Variants in ECM2 observed in about 807,000 individuals in gnomAD.
The protein encoded by ECM2 is extracellular matrix protein 2.
Under a neutral mutation model 67.5 loss-of-function variants are expected in ECM2, and 57 were observed. The ratio of observed to expected loss-of-function variants is 0.84; its 90% confidence interval spans 0.68 to 1.05. ECM2 has a LOEUF of 1.05. Ranked by LOEUF, ECM2 falls within the 50% of genes least tolerant of loss-of-function variation. The probability of loss-of-function intolerance (pLI) is 0.00; values close to 1 mark genes in which losing one functional copy is unlikely to be tolerated. For synonymous variants in ECM2, 258 were observed against 294.5 expected (o/e 0.88, Z 1.27); for missense variants, 741 against 822.8 (o/e 0.90, Z 1.22).
At chr9:92,533,084 G>A (rs1455022769) in intron 1 of ECM2, among the ~76,000 whole-genome samples, 1 of 151,420 alleles carries the variant, frequency 6.6e-6, no homozygotes, top group Non-Finnish European at 1.5e-5. Flanking sequence ...GGATCACAAG[G>A]TCAGGAGTTT....
intron 5 of ECM2, among the ~76,000 whole-genome samples, chr9:92,511,597 G>C (rs540998119): frequency 6.6e-6 from 1 of 151,942 alleles, no homozygotes; most frequent in Non-Finnish European, 1.5e-5. Context: ...TCCTCCATCA[G>C]GTTTTGTTGA....
chr9:92,546,866 AG>A, the ECM2 span, among the ~76,000 whole-genome samples: 1 of 152,318 alleles, frequency 6.6e-6, no homozygotes, highest in Middle Eastern at 3.4e-3. Context: ...GAGGATATTG[AG>A]TTCATAATTT....
chr9:92,538,904 C>A (rs1044989410), upstream of ECM2: 2 of 152,080 alleles, frequency 1.3e-5, no homozygotes, highest in Non-Finnish European at 2.9e-5. Flanking sequence ...ATCACCTTTT[C>A]AGTATTTTTC....
Position 92,502,655 on chromosome 9 carries a change from A to G in ECM2, c.1465-3T>C. The G allele has an allele frequency of 2.6e-6, 4 of 1,557,806 alleles. No homozygotes were observed. The highest frequency in any genetic ancestry group is 1.8e-5 in the Admixed American group (1 of 54,960). On this transcript the variant is annotated splice_polypyrimidine_tract_variant and splice_region_variant and intron_variant, in intron 7 of 9. Transcript: ENST00000344604. The stretch of plus-strand genomic sequence containing the variant: ...TGGTTATTTTCTAGGTATAATTCCT[A>G]TAATTAAGAGAGAAGACTATTATTT...
upstream of ECM2, among the ~76,000 whole-genome samples, chr9:92,541,418 C>A (rs1437598426): frequency 1.2e-5 from 1 of 82,796 alleles, no homozygotes; most frequent in East Asian, 3.3e-4. Flanking sequence ...CCTTCCCCCT[C>A]CCCACCCCGC....
chr9:92,540,862 G>A (rs1311930726), upstream of ECM2, among the ~76,000 whole-genome samples: 1 of 152,130 alleles, frequency 6.6e-6, no homozygotes, highest in Non-Finnish European at 1.5e-5. Flanking sequence ...TTTGCCTTGC[G>A]AGTGTTTGCT....
intron 3 of ECM2, chr9:92,517,338 G>A (rs1291426172): frequency 2.5e-6 from 1 of 407,658 alleles, no homozygotes; most frequent in Non-Finnish European, 4.4e-6. Context: ...GATTAAGTGG[G>A]ATAATGCACA....
chr9:92,538,944 G>A (rs905942693), upstream of ECM2: 1 of 151,846 alleles, frequency 6.6e-6, no homozygotes, highest in South Asian at 2.1e-4. Context: ...ATAAATTGGG[G>A]TTTTTTTTAA....
At chr9:92,543,550 A>G in the ECM2 span, among the ~76,000 whole-genome samples, 11 of 148,624 alleles carry the variant, frequency 7.4e-5, no homozygotes, top group Non-Finnish European at 1.6e-4. Context: ...GAATTTTATG[A>G]TCGTTTTTCT....
intron 2 of ECM2, among the ~76,000 whole-genome samples, chr9:92,518,109 C>T (rs1229562007): frequency 6.6e-6 from 1 of 152,170 alleles, no homozygotes; most frequent in Admixed American, 6.5e-5. Flanking sequence ...CTCATGGTAA[C>T]TTGGGGCTGA....
At chr9:92,507,705 TCA>T (rs1428075831) in intron 6 of ECM2, among the ~76,000 whole-genome samples, 2 of 152,194 alleles carry the variant, frequency 1.3e-5, no homozygotes, top group East Asian at 1.9e-4. Context: ...TTTAGTTGTT[TCA>T]GTCATTAGTG....
At position 92,496,057 on chromosome 9, in the gene ECM2, A is replaced by C; in HGVS notation, c.*258T>G. The C allele has an allele frequency of 9.2e-7, 1 of 1,083,996 alleles. No individual in the cohort carries two copies. Among genetic ancestry groups the C allele is most frequent in the Non-Finnish European group, 1.1e-6 (1 of 895,746 alleles). 67.1% of individuals were successfully genotyped at this position (1,083,996 alleles called of 1,614,324 possible). On this transcript the variant is annotated 3_prime_UTR_variant, in exon 10 of 10. Transcript: ENST00000344604. ...ACTCTTCTGGTCTAGCTCAGTATGC[A>C]TAATATCCTATTCTAGTGAGATGGC...
downstream of ECM2, chr9:92,495,175 A>G: frequency 4.0e-6 from 1 of 252,210 alleles, no homozygotes; most frequent in Non-Finnish European, 6.3e-6. Flanking sequence ...AGCTTAAAAA[A>G]TTAGAGAAAC....
At chr9:92,525,893 C>CAA (rs71362395) in intron 1 of ECM2, among the ~76,000 whole-genome samples, 512 of 43,430 alleles carry the variant, frequency 0.012, 7 homozygotes, top group African/African-American at 0.026. Flanking sequence ...ACTCTATCTC[C>CAA]AAAAAAAAAA....
intron 1 of ECM2, among the ~76,000 whole-genome samples, chr9:92,527,644 A>G (rs563378359): frequency 6.6e-6 from 1 of 152,304 alleles, no homozygotes; most frequent in Non-Finnish European, 1.5e-5. Flanking sequence ...CATGAGCATG[A>G]GCTCAGGGTA....
Position 92,510,004 on chromosome 9 carries a change from C to G in ECM2, c.1201G>C (p.Asp401His), listed in dbSNP as rs932865849. Residue 401 changes from aspartate to histidine, a missense_variant, in exon 6 of 10, where the codon GAT becomes CAT. Asp to His is a moderately conservative substitution (Grantham distance 81). Coordinates refer to ENST00000344604, the MANE Select transcript of ECM2 (RefSeq NM_001393.4). ...LLKKLMRLNM[D>H]GNNLIQIPSQ... ...GGAATCTGTATCAAATTATTTCCAT[C>G]CATATTCAAACGCATTAACTTCTTC... 1.2e-6 allele frequency: 2 copies of G among 1,605,152 alleles called. No individual in the cohort carries two copies. Among genetic ancestry groups the G allele is most frequent in the Non-Finnish European group, 1.7e-6 (2 of 1,177,904 alleles).
At chr9:92,520,512 G>A (rs1269375119) in intron 2 of ECM2, among the ~76,000 whole-genome samples, 1 of 152,112 alleles carries the variant, frequency 6.6e-6, no homozygotes, top group Non-Finnish European at 1.5e-5. Context: ...ATTGCTGGTG[G>A]GCATATAACA....
chr9:92,558,097 C>A, the ECM2 span, among the ~76,000 whole-genome samples: 1 of 152,106 alleles, frequency 6.6e-6, no homozygotes, highest in African/African-American at 2.4e-5. Context: ...TCTGGTCCCT[C>A]CCTGATTAGC....
chr9:92,537,032 A>G (rs1486972225), upstream of ECM2, among the ~76,000 whole-genome samples: 1 of 151,312 alleles, frequency 6.6e-6, no homozygotes. Flanking sequence ...ACCATGCCAG[A>G]TTAATTTTTG....
Sources: allele counts gnomAD v4.1 joint callset (sites outside exome capture counted in the v4.1 genomes callset), GRCh38; gene constraint gnomAD v4.1.1; transcripts MANE v1.5; gene names NCBI Gene and HGNC (gene_info 2026-07-23, HGNC 2026-07-21).